Variants in KAT6A observed in about 807,000 individuals in gnomAD.
KAT6A encodes lysine acetyltransferase 6A.
A neutral mutation model predicts 198.4 loss-of-function variants in KAT6A; 9 were observed. The ratio of observed to expected loss-of-function variants is 0.05; its 90% CI spans 0.03 to 0.08. KAT6A has a LOEUF of 0.08. KAT6A is among the 10% of genes least tolerant of loss of function. KAT6A has a pLI of 1.00. For missense variants in KAT6A, 2,077 were observed against 2,509.9 expected (o/e 0.83, Z 3.69); for synonymous variants, 890 against 883.0 (o/e 1.01, Z -0.14).
At chr8:41,951,415 GA>G in intron 9 of KAT6A, among the ~76,000 whole-genome samples, 1 of 151,742 alleles carries the variant, frequency 6.6e-6, no homozygotes, top group Non-Finnish European at 1.5e-5. Context: ...TTCTCTCACA[GA>G]AAAAAAAGAT....
intron 14 of KAT6A, chr8:41,942,578 AT>A: frequency 1.8e-6 from 1 of 562,792 alleles, no homozygotes; most frequent in East Asian, 3.0e-5. Context: ...ATTATAAGAA[AT>A]TTGATGGTCT....
intron 3 of KAT6A, 38 bp downstream of exon 3, chr8:41,987,417 A>G: frequency 7.7e-7 from 1 of 1,292,430 alleles, no homozygotes; most frequent in South Asian, 1.2e-5. Context: ...TTGCCTTCGT[A>G]ACACATTTTA....
intron 15 of KAT6A, among the ~76,000 whole-genome samples, chr8:41,937,794 G>C (rs935405143): frequency 6.6e-6 from 1 of 152,168 alleles, no homozygotes; most frequent in African/African-American, 2.4e-5. Flanking sequence ...AGAATAGGCA[G>C]CCATCTCCAA....
chr8:41,975,571 G>GA (rs962192639), intron 7 of KAT6A, among the ~76,000 whole-genome samples: 1 of 152,006 alleles, frequency 6.6e-6, no homozygotes, highest in Non-Finnish European at 1.5e-5. Flanking sequence ...AACACAAGAA[G>GA]AAAAAAGTCA....
intron 2 of KAT6A, among the ~76,000 whole-genome samples, chr8:42,009,654 T>G (rs558358387): frequency 1.3e-5 from 2 of 151,736 alleles, no homozygotes; most frequent in East Asian, 3.9e-4. Context: ...ATCTCAGCAT[T>G]TGGGGAGGCT....
intron 9 of KAT6A, among the ~76,000 whole-genome samples, chr8:41,952,294 C>A (rs1252743508): frequency 1.3e-5 from 2 of 152,178 alleles, no homozygotes; most frequent in Non-Finnish European, 2.9e-5. Flanking sequence ...GCAGAGGAAT[C>A]TTCCTAGGCT....
chr8:41,973,556 C>T (rs1321815561), intron 8 of KAT6A, among the ~76,000 whole-genome samples: 1 of 152,036 alleles, frequency 6.6e-6, no homozygotes, highest in Non-Finnish European at 1.5e-5. Context: ...GAGAACTTGG[C>T]TTACATGGTA....
chr8:42,039,883 A>G (rs4737030), intron 2 of KAT6A, among the ~76,000 whole-genome samples: 104,344 of 150,634 alleles, frequency 0.69, 36,752 homozygotes, highest in African/African-American at 0.84. Context: ...ACAGGCGCCC[A>G]CCACAATGCC....
At chr8:42,003,917 G>A (rs1220000555) in intron 2 of KAT6A, among the ~76,000 whole-genome samples, 1 of 152,188 alleles carries the variant, frequency 6.6e-6, no homozygotes, top group Non-Finnish European at 1.5e-5. Context: ...AACCTTGCCG[G>A]TGCCTTGATT....
chr8:42,018,643 C>A (rs1826379141), intron 2 of KAT6A, among the ~76,000 whole-genome samples: 1 of 152,164 alleles, frequency 6.6e-6, no homozygotes, highest in Non-Finnish European at 1.5e-5. Flanking sequence ...ATAGAACAGG[C>A]TGGGCGAGGT....
intron 5 of KAT6A, among the ~76,000 whole-genome samples, chr8:41,980,534 A>C (rs2150888952): frequency 6.6e-6 from 1 of 152,314 alleles, no homozygotes; most frequent in Admixed American, 6.5e-5. Flanking sequence ...ATAAAGAGAT[A>C]TTTCAAGATA....
Position 41,946,529 on chromosome 8 carries a change from C to CACACACACACAT in KAT6A, c.1996+61_1996+62insATGTGTGTGTGT, listed in dbSNP as rs1554682546. 3,535 of 682,162 alleles carry CACACACACACAT rather than the reference C, an allele frequency of 5.2e-3. 168 individuals carry two copies. Among genetic ancestry groups the CACACACACACAT allele is most frequent in the African/African-American group, 0.049 (2,502 of 51,136 alleles). 42.3% of individuals were successfully genotyped at this position (682,162 alleles called of 1,614,324 possible). A position where few individuals can be genotyped will look rare whatever the true frequency, so the allele number is the denominator to read the frequency against. ...ACACACACACACACACACACACACACACACACACACACAGAGAAGGTCCAC... is the reference window on the plus strand; with the variant it reads ...ACACACACACACACACACACACACACACACACACACATACACACACACACAGAGAAGGTCCAC... On this transcript the variant is annotated intron_variant, in intron 12 of 16. Transcript: ENST00000265713.
chr8:41,956,277 A>G (rs1243142394), intron 8 of KAT6A, among the ~76,000 whole-genome samples: 1 of 152,072 alleles, frequency 6.6e-6, no homozygotes, highest in Admixed American at 6.6e-5. Context: ...GCATATACAC[A>G]CTCATGTCCA....
chr8:42,048,236 A>G, intron 2 of KAT6A, 142 bp downstream of exon 2: 1 of 761,394 alleles, frequency 1.3e-6, no homozygotes. Context: ...TCTCATAGCT[A>G]CAACTCACCA....
At chr8:41,963,993 C>A (rs932026014) in intron 8 of KAT6A, among the ~76,000 whole-genome samples, 1 of 152,116 alleles carries the variant, frequency 6.6e-6, no homozygotes, top group African/African-American at 2.4e-5. Context: ...ACAAATGTCA[C>A]CTCCTCTACA....
At chr8:41,969,415 C>A (rs1823666323) in intron 8 of KAT6A, among the ~76,000 whole-genome samples, 1 of 152,164 alleles carries the variant, frequency 6.6e-6, no homozygotes, top group African/African-American at 2.4e-5. Flanking sequence ...TGGAAGTCAT[C>A]TTTGATCATC....
chr8:41,980,260 A>C (rs1300369195), intron 5 of KAT6A, among the ~76,000 whole-genome samples: 2 of 152,130 alleles, frequency 1.3e-5, no homozygotes, highest in African/African-American at 4.8e-5. Context: ...GCCCAAACTA[A>C]ATACCTCTCA....
rs1329934329 is a variant in KAT6A, at chr8:42,048,643, T to G, written c.335A>C (p.Glu112Ala). The change falls in exon 2 of 17, where the codon GAG (glutamate) becomes GCG (alanine). Residue 112 changes from glutamate (E) to alanine (A), a missense_variant. Transcript: ENST00000265713. ...LIKRAVEGLA[E>A]SGGSTLKSIE... ...GCTTTTCAAAGTTGAGCCACCAGACTCTGCCAAGCCCTCAACTGCCCGCTT... is the reference window on the plus strand; with the variant it reads ...GCTTTTCAAAGTTGAGCCACCAGACGCTGCCAAGCCCTCAACTGCCCGCTT... 2 of 1,614,094 alleles carry G rather than the reference T, an allele frequency of 1.2e-6. No homozygotes were observed. Among genetic ancestry groups the G allele is most frequent in the Non-Finnish European group, 1.7e-6 (2 of 1,180,044 alleles).
intron 13 of KAT6A, among the ~76,000 whole-genome samples, chr8:41,943,307 G>A (rs948009991): frequency 6.6e-6 from 1 of 152,164 alleles, no homozygotes; most frequent in African/African-American, 2.4e-5. Flanking sequence ...TGGCTCAAAT[G>A]CCTCCTTTCT....
Sources: allele counts gnomAD v4.1 joint callset (sites outside exome capture counted in the v4.1 genomes callset), GRCh38; gene constraint gnomAD v4.1.1; transcripts MANE v1.5; gene names NCBI Gene and HGNC (gene_info 2026-07-23, HGNC 2026-07-21).